Variants in CSHL1 observed in about 807,000 individuals in gnomAD.
The protein encoded by CSHL1 is chorionic somatomammotropin hormone like 1, also known as chorionic somatomammotropin hormone-like 1.
A neutral mutation model predicts 24.3 loss-of-function variants in CSHL1; 25 were observed. The ratio of observed to expected loss-of-function variants is 1.03; its 90% CI spans 0.75 to 1.44. The LOEUF (loss-of-function observed/expected upper bound fraction) is 1.44, where lower values mean the gene tolerates loss of function less well. Ranked by LOEUF, CSHL1 falls within the 40% of genes most tolerant of loss-of-function variation. The pLI is 0.00. For synonymous variants in CSHL1, 157 were observed against 115.6 expected (o/e 1.36, Z -2.30); for missense variants, 342 against 279.3 (o/e 1.22, Z -1.60).
At position 63,911,219 on chromosome 17, in the gene CSHL1, A is replaced by G; in HGVS notation, c.-23T>C. On this transcript the variant is annotated 5_prime_UTR_variant, in exon 1 of 5. Coordinates refer to ENST00000309894, the MANE Select transcript of CSHL1 (RefSeq NM_022579.3). ...CATTGCCGCTAGGTGAGCTGTCCAC[A>G]GGACCCTGAGTGGTGCGGGGAGTCG... 1 of 1,613,990 alleles carries G rather than the reference A, an allele frequency of 6.2e-7. No homozygotes were observed. The highest frequency in any genetic ancestry group is 8.5e-7 in the Non-Finnish European group (1 of 1,179,872).
chr17:63,910,582 T>C, intron 2 of CSHL1, 47 bp from the exon 3 acceptor site: 7 of 1,614,188 alleles, frequency 4.3e-6, no homozygotes, highest in Non-Finnish European at 5.1e-6. Context: ...CTGCTTTCTA[T>C]GCTGGAGACC....
In CSHL1 at chr17:63,910,719, C is replaced by A. The variant is rs752956241; in HGVS notation, c.190+26G>T. The A allele has an allele frequency of 6.2e-6, 10 of 1,614,090 alleles. 1 individual carries two copies. The South Asian group carries it at 8.8e-5, about 14-fold the overall frequency. ...TACTTCCCCAGTGGGGGAAAGTCAC[C>A]CCTTCTTGCCACCCCTGACCCGCAC... is the stretch of plus-strand genomic sequence containing the variant. On this transcript the variant is annotated intron_variant, in intron 2 of 4. Coordinates refer to ENST00000309894, the MANE Select transcript of CSHL1 (RefSeq NM_022579.3).
rs200129211 is a variant in CSHL1, at chr17:63,909,726, G to T, written c.654C>A (p.Gly218=). 4.1e-5 allele frequency: 66 copies of T among 1,614,044 alleles called. No homozygotes were observed. The East Asian group carries it at 1.3e-3, about 33-fold the overall frequency. The change falls in exon 5 of 5, where the codon GGC becomes GGA. Residue 218 remains glycine (G), a synonymous_variant. Transcript: ENST00000309894. ...LRMVQCRSVE[G]SCGF ...ACGCGGGCCCCTAGAAGCCACAGCT[G>T]CCCTCCACAGAGCGGCACTGCACCA...
rs760680414 is a variant in CSHL1 at position 63,910,829 on chromosome 17, A to G, written c.106T>C (p.Phe36Leu). 7.4e-6 allele frequency: 12 copies of G among 1,614,036 alleles called. No individual in the cohort carries two copies. The South Asian group carries it at 9.9e-5, about 13-fold the overall frequency. ...AVQTVPLSRLFKEAMLQAHRA... is the reference protein window; with the variant it reads ...AVQTVPLSRLLKEAMLQAHRA... ...TGGGCTTGGAGCATAGCCTCTTTAA[A>G]AAGCCTGGATAAGGGAACGGTTTGG... Residue 36 changes from phenylalanine (F) to leucine (L), a missense_variant, in exon 2 of 5, where the codon TTT (phenylalanine) becomes CTT (leucine). Physicochemically the swap from Phe to Leu is conservative, Grantham distance 22. Coordinates refer to ENST00000309894, the MANE Select transcript of CSHL1 (RefSeq NM_022579.3).
rs1242371605 is a variant in CSHL1 at position 63,910,893 on chromosome 17, G to A, written c.42C>T (p.Ala14=). Residue 14 remains alanine (A), a synonymous_variant, in exon 2 of 5, where the codon GCC becomes GCT. Transcript: ENST00000309894. ...GSRTSLLLAF[A]LLCLPWLQEA... Reference sequence around the variant, plus strand: ...CTTGAAGCCAGGGCAGGCAGAGCAGGGCAAAAGCCAGGAGCAGGGACGTCC... The same window carrying A: ...CTTGAAGCCAGGGCAGGCAGAGCAGAGCAAAAGCCAGGAGCAGGGACGTCC... 2 of 1,614,016 alleles carry A rather than the reference G, an allele frequency of 1.2e-6. No homozygotes were observed. The highest frequency in any genetic ancestry group is 1.7e-5 in the Admixed American group (1 of 60,016).
In CSHL1 at chr17:63,909,662, A is replaced by G. The variant is rs768376135; in HGVS notation, c.*49T>C. 1 of 1,613,678 alleles carries G rather than the reference A, an allele frequency of 6.2e-7. No individual in the cohort carries two copies. The highest frequency in any genetic ancestry group is 1.1e-5 in the South Asian group (1 of 91,068). ...TGGTGGGCACTGGAGTGGCACCTTC[A>G]GGGCCAGGAGAGGCACTGGGGAGGG... On this transcript the variant is annotated 3_prime_UTR_variant, in exon 5 of 5. Coordinates refer to ENST00000309894, the MANE Select transcript of CSHL1 (RefSeq NM_022579.3).
Position 63,909,898 on chromosome 17 carries a change from T to A in CSHL1, c.482A>T (p.Asp161Val). ...GIQMLMGRLE[D>V]GSHLTGQTLK... The stretch of plus-strand genomic sequence containing the variant: ...GGTCTGCCCAGTCAGGTGGCTGCCG[T>A]CTTCCAGCCTCTGCAAAGTGAAGCA... The change falls in exon 5 of 5, where the codon GAC becomes GTC. Residue 161 changes from aspartate to valine, a missense_variant. Asp to Val is a radical substitution (Grantham distance 152). Coordinates refer to ENST00000309894, the MANE Select transcript of CSHL1 (RefSeq NM_022579.3). 6.2e-7 allele frequency: 1 copy of A among 1,613,966 alleles called. No homozygotes were observed. The highest frequency in any genetic ancestry group is 8.5e-7 in the Non-Finnish European group (1 of 1,179,864).
In CSHL1 at chr17:63,910,503, A is replaced by T; in HGVS notation, c.223T>A (p.Phe75Ile). 1.9e-6 allele frequency: 3 copies of T among 1,614,172 alleles called. No individual in the cohort carries two copies. The African/African-American group carries it at 4.0e-5, about 22-fold the overall frequency. Residue 75 changes from phenylalanine (F) to isoleucine (I), a missense_variant, in exon 3 of 5, where the codon TTC (phenylalanine) becomes ATC (isoleucine). Phe to Ile is a conservative substitution (Grantham distance 21). Transcript: ENST00000309894. ...AYITKEQKYS[F>I]LHDSQTSFCF... ...AAGGAGGTCTGGGAGTCATGCAGGA[A>T]TGAATACTTCTGTTCCTTTGTGATA...
Position 63,909,702 on chromosome 17 carries a change from C to T in CSHL1, c.*9G>A, listed in dbSNP as rs750586694. The stretch of plus-strand genomic sequence containing the variant: ...ACTGGGGAGGGGTCACAGGATGCCA[C>T]GCGGGCCCCTAGAAGCCACAGCTGC... On this transcript the variant is annotated 3_prime_UTR_variant, in exon 5 of 5. Coordinates refer to ENST00000309894, the MANE Select transcript of CSHL1 (RefSeq NM_022579.3). 3.4e-5 allele frequency: 55 copies of T among 1,613,974 alleles called. 1 individual carries two copies. The highest frequency in any genetic ancestry group is 5.0e-5 in the Admixed American group (3 of 60,010).
Position 63,909,624 on chromosome 17 carries a change from A to G in CSHL1, c.*87T>C. The stretch of plus-strand genomic sequence containing the variant: ...AGATGAAACAATACAACTTAATTTT[A>G]TTAAGACAAGGCTGGTGGGCACTGG... On this transcript the variant is annotated 3_prime_UTR_variant, in exon 5 of 5. Coordinates refer to ENST00000309894, the MANE Select transcript of CSHL1 (RefSeq NM_022579.3). 1.3e-6 allele frequency: 2 copies of G among 1,599,572 alleles called. No individual in the cohort carries two copies. The highest frequency in any genetic ancestry group is 1.7e-5 in the Admixed American group (1 of 58,838).
Position 63,910,269 on chromosome 17 carries a change from G to T in CSHL1, c.364C>A (p.Arg122=), listed in dbSNP as rs374469041. 8 of 1,614,076 alleles carry T rather than the reference G, an allele frequency of 5.0e-6. No homozygotes were observed. The highest frequency in any genetic ancestry group is 2.2e-5 in the South Asian group (2 of 91,072). ...LLIESRLEPV[R]FLRSTFTNNL... is the part of the protein sequence containing the mutation. ...TTGGTGAAGGTACTCCTGAGGAACCGCACGGGCTCCAGCCGCGACTCGATG... is the reference window on the plus strand; with the variant it reads ...TTGGTGAAGGTACTCCTGAGGAACCTCACGGGCTCCAGCCGCGACTCGATG... The change falls in exon 4 of 5, where the codon CGG becomes AGG. Residue 122 remains arginine, a synonymous_variant. Transcript: ENST00000309894.
Position 63,910,741 on chromosome 17 carries a change from G to A in CSHL1, c.190+4C>T, listed in dbSNP as rs372430128. 44 of 1,614,040 alleles carry A rather than the reference G, an allele frequency of 2.7e-5. No homozygotes were observed. Among genetic ancestry groups the A allele is most frequent in the Non-Finnish European group, 3.5e-5 (41 of 1,180,040 alleles). On this transcript the variant is annotated splice_donor_region_variant and intron_variant, in intron 2 of 4. Transcript: ENST00000309894. ...CACCCCTTCTTGCCACCCCTGACCC[G>A]CACCCATTCCCCAAGAGCTTATAAA...
chr17:63,910,206 G>A lies in CSHL1; in HGVS notation c.427C>T (p.His143Tyr), dbSNP rs1906791812. The change falls in exon 4 of 5, where the codon CAC becomes TAC. Residue 143 changes from histidine to tyrosine, a missense_variant. His to Tyr is a moderately conservative substitution (Grantham distance 83). Transcript: ENST00000309894. Reference protein sequence around the residue: ...VYDTSDSDDYHLLKDLEEGIQ... With the variant: ...VYDTSDSDDYYLLKDLEEGIQ... ...CCTTCCTCTAGGTCCTTTAGGAGGTGATAGTCATCGCTGTCCGAGGTGTCA... is the reference window on the plus strand; with the variant it reads ...CCTTCCTCTAGGTCCTTTAGGAGGTAATAGTCATCGCTGTCCGAGGTGTCA... The A allele has an allele frequency of 3.1e-6, 5 of 1,614,052 alleles. No homozygotes were observed. The highest frequency in any genetic ancestry group is 4.2e-6 in the Non-Finnish European group (5 of 1,180,050).
Position 63,910,518 on chromosome 17 carries a change from C to T in CSHL1, c.208G>A (p.Glu70Lys). The T allele has an allele frequency of 3.7e-6, 6 of 1,614,194 alleles. No individual in the cohort carries two copies. The highest frequency in any genetic ancestry group is 1.1e-5 in the South Asian group (1 of 91,070). Residue 70 changes from glutamate (E) to lysine (K), a missense_variant, in exon 3 of 5, where the codon GAA becomes AAA. Transcript: ENST00000309894. ...TCATGCAGGAATGAATACTTCTGTT[C>T]CTTTGTGATATAGGCTTCTTCCTAG... ...SWGMEAYITKEQKYSFLHDSQ... is the reference protein window; with the variant it reads ...SWGMEAYITKKQKYSFLHDSQ...
chr17:63,909,924 A>G lies in CSHL1; in HGVS notation c.472-16T>C. 10 of 1,614,002 alleles carry G rather than the reference A, an allele frequency of 6.2e-6. No individual in the cohort carries two copies. Among genetic ancestry groups the G allele is most frequent in the Non-Finnish European group, 8.5e-6 (10 of 1,179,880 alleles). ...CTTCCAGCCTCTGCAAAGTGAAGCA[A>G]GAGAAGGAGAGACCAAGCGCTTGGG... On this transcript the variant is annotated splice_polypyrimidine_tract_variant and intron_variant, in intron 4 of 4. Transcript: ENST00000309894.
intron 3 of CSHL1, 33 bp downstream of exon 3, chr17:63,910,387 C>G (rs373248232): frequency 2.5e-5 from 40 of 1,614,080 alleles, no homozygotes; most frequent in Middle Eastern, 1.6e-4. Context: ...AGGTCTCCCC[C>G]ATCCCCGCCT....
In CSHL1 at chr17:63,909,837, C is replaced by T. The variant is rs141573761; in HGVS notation, c.543G>A (p.Ser181=). 2.0e-3 allele frequency: 3,306 copies of T among 1,613,948 alleles called. 57 individuals carry two copies. The African/African-American group carries it at 0.037, about 18-fold the overall frequency. The change falls in exon 5 of 5, where the codon TCG becomes TCA. Residue 181 remains serine, a synonymous_variant. Coordinates refer to ENST00000309894, the MANE Select transcript of CSHL1 (RefSeq NM_022579.3). ...TCTTGAGCAGTGCGTCATGGTTGTGCGAGTTTGTGTCAAACTTGCTGTAGG... is the reference window on the plus strand; with the variant it reads ...TCTTGAGCAGTGCGTCATGGTTGTGTGAGTTTGTGTCAAACTTGCTGTAGG... ...KQTYSKFDTN[S]HNHDALLKNY...
At chr17:63,910,567 G>A (rs1906880824) in intron 2 of CSHL1, 32 bp from the exon 3 acceptor site, 2 of 1,614,104 alleles carry the variant, frequency 1.2e-6, no homozygotes, top group Non-Finnish European at 8.5e-7. Context: ...CACCAAGAAG[G>A]ACCACTGCTT....
intron 1 of CSHL1, 99 bp from the exon 2 acceptor site, chr17:63,911,023 C>G (rs1277683554): frequency 6.2e-7 from 1 of 1,610,214 alleles, no homozygotes; most frequent in African/African-American, 1.3e-5. Flanking sequence ...CTCCATCCCT[C>G]CAGGGACCAG....
Sources: gnomAD v4.1 joint callset for allele counts on GRCh38, gnomAD v4.1.1 for gene constraint, MANE v1.5 for transcripts, NCBI Gene and HGNC (gene_info 2026-07-23, HGNC 2026-07-21) for gene names.